FHIT: variants seen among roughly 807,000 people sequenced by gnomAD.
The protein encoded by FHIT is bis(5'-adenosyl)-triphosphatase.
A neutral mutation model predicts 17.9 loss-of-function variants in FHIT; 19 were observed. That is an observed-to-expected ratio of 1.06 (90% CI 0.74 to 1.56). FHIT has a LOEUF of 1.56. FHIT is among the 40% of genes most tolerant of loss of function. The pLI is 0.00. For missense variants in FHIT, 248 were observed against 189.2 expected (o/e 1.31, Z -1.82); for synonymous variants, 81 against 69.7 (o/e 1.16, Z -0.81).
At chr3:61,184,291 A>G (rs1270719286) in intron 2 of FHIT, among the ~76,000 whole-genome samples, 1 of 152,078 alleles carries the variant, frequency 6.6e-6, no homozygotes, top group Non-Finnish European at 1.5e-5. Flanking sequence ...TCTGGTGTCA[A>G]ACTGAATGGC....
At chr3:60,280,584 C>G (rs1180791993) in intron 5 of FHIT, among the ~76,000 whole-genome samples, 1 of 152,050 alleles carries the variant, frequency 6.6e-6, no homozygotes, top group African/African-American at 2.4e-5. Flanking sequence ...ACACCCACAA[C>G]CCAAAGAATA....
intron 8 of FHIT, among the ~76,000 whole-genome samples, chr3:59,863,688 C>T (rs1429024546): frequency 6.6e-6 from 1 of 152,170 alleles, no homozygotes; most frequent in Non-Finnish European, 1.5e-5. Context: ...ATCCAGCAGG[C>T]AAAATGGATT....
At chr3:61,000,408 T>C (rs1021494842) in intron 3 of FHIT, among the ~76,000 whole-genome samples, 1 of 152,172 alleles carries the variant, frequency 6.6e-6, no homozygotes, top group Non-Finnish European at 1.5e-5. Context: ...TGAGACACAA[T>C]GGTAAGACAT....
chr3:60,814,794 A>G (rs1701679811), intron 4 of FHIT, among the ~76,000 whole-genome samples: 1 of 152,114 alleles, frequency 6.6e-6, no homozygotes, highest in South Asian at 2.1e-4. Flanking sequence ...ACTGCTTTCC[A>G]CAGTGGCCGA....
chr3:60,718,862 A>C (rs1395151538), intron 4 of FHIT, among the ~76,000 whole-genome samples: 1 of 152,210 alleles, frequency 6.6e-6, no homozygotes, highest in Non-Finnish European at 1.5e-5. Flanking sequence ...ACACCTCTCC[A>C]AGAAGAAAAA....
At chr3:61,052,783 A>T (rs917360396) in intron 2 of FHIT, among the ~76,000 whole-genome samples, 3 of 152,224 alleles carry the variant, frequency 2.0e-5, no homozygotes, top group Non-Finnish European at 4.4e-5. Context: ...GAACACATTT[A>T]TAATAAGGTT....
intron 5 of FHIT, among the ~76,000 whole-genome samples, chr3:60,534,852 C>G (rs1399787063): frequency 6.6e-6 from 1 of 152,326 alleles, no homozygotes; most frequent in East Asian, 1.9e-4. Context: ...CTATTCACTA[C>G]AGATATTTTC....
chr3:60,095,899 C>T (rs975394593), intron 5 of FHIT, among the ~76,000 whole-genome samples: 1 of 152,212 alleles, frequency 6.6e-6, no homozygotes, highest in Non-Finnish European at 1.5e-5. Context: ...GCTTACATCC[C>T]AGAGCTCCTG....
intron 4 of FHIT, among the ~76,000 whole-genome samples, chr3:60,728,650 C>A (rs1215788319): frequency 6.6e-6 from 1 of 151,202 alleles, no homozygotes; most frequent in Admixed American, 6.6e-5. Context: ...AGATACTTGA[C>A]CAATTTAAAA....
chr3:60,386,000 T>C (rs1013776853), intron 5 of FHIT, among the ~76,000 whole-genome samples: 1 of 152,170 alleles, frequency 6.6e-6, no homozygotes, highest in Admixed American at 6.5e-5. Flanking sequence ...GAGCTGACTA[T>C]GTAGCAGGTG....
intron 5 of FHIT, among the ~76,000 whole-genome samples, chr3:60,249,992 T>C (rs1576368708): frequency 6.6e-6 from 1 of 152,130 alleles, no homozygotes; most frequent in South Asian, 2.1e-4. Flanking sequence ...AAGAACAGTA[T>C]GGGGAAACTG....
At chr3:61,081,571 A>G (rs2035138540) in intron 2 of FHIT, among the ~76,000 whole-genome samples, 1 of 152,206 alleles carries the variant, frequency 6.6e-6, no homozygotes, top group Admixed American at 6.5e-5. Context: ...TCAGGGCACC[A>G]TCCACCCAGA....
chr3:61,177,520 T>C (rs1396190651), intron 2 of FHIT, among the ~76,000 whole-genome samples: 1 of 152,190 alleles, frequency 6.6e-6, no homozygotes. Flanking sequence ...TTATGTATTT[T>C]CCAATACCAA....
chr3:61,247,612 T>C (rs952933629), intron 1 of FHIT, among the ~76,000 whole-genome samples: 1 of 152,182 alleles, frequency 6.6e-6, no homozygotes, highest in Admixed American at 6.5e-5. Context: ...ACAAGACAGG[T>C]TATCAAGAGT....
intron 8 of FHIT, among the ~76,000 whole-genome samples, chr3:59,852,141 C>T (rs1293077497): frequency 1.3e-5 from 2 of 152,152 alleles, no homozygotes; most frequent in African/African-American, 2.4e-5. Context: ...TCCACCCAGC[C>T]ACATTCCATC....
intron 1 of FHIT, among the ~76,000 whole-genome samples, chr3:61,205,513 T>A (rs906783459): frequency 1.3e-5 from 2 of 152,182 alleles, no homozygotes; most frequent in Non-Finnish European, 2.9e-5. Flanking sequence ...TGATTGCCAT[T>A]CTAACTGGTG....
intron 5 of FHIT, among the ~76,000 whole-genome samples, chr3:60,525,425 G>A (rs1418387087): frequency 6.6e-6 from 1 of 152,016 alleles, no homozygotes; most frequent in Admixed American, 6.6e-5. Flanking sequence ...TACCTAATGT[G>A]GTATTGACTG....
chr3:60,180,157 A>G (rs1244169271), intron 5 of FHIT, among the ~76,000 whole-genome samples: 2 of 152,212 alleles, frequency 1.3e-5, no homozygotes, highest in Non-Finnish European at 2.9e-5. Flanking sequence ...AAAGCACACA[A>G]GCTCGTCAAT....
chr3:60,348,189 G>A (rs1169370972), intron 5 of FHIT, among the ~76,000 whole-genome samples: 1 of 150,870 alleles, frequency 6.6e-6, no homozygotes, highest in Non-Finnish European at 1.5e-5. Flanking sequence ...ATTGACAAAT[G>A]TTTGTTTAAC....
Sources: gnomAD v4.1 joint callset for allele counts (sites outside exome capture counted in the v4.1 genomes callset) on GRCh38, gnomAD v4.1.1 for gene constraint, MANE v1.5 for transcripts, NCBI Gene and HGNC (gene_info 2026-07-23, HGNC 2026-07-21) for gene names.